The following TAS2R4 variants were observed in gnomAD, a reference collection of about 807,000 sequenced individuals.
TAS2R4 encodes taste receptor type 2 member 4.
TAS2R4 carries 18 observed loss-of-function variants against 14.3 expected under a neutral mutation model. That is an observed-to-expected ratio of 1.26 (90% CI 0.87 to 1.86). The LOEUF (loss-of-function observed/expected upper bound fraction) is 1.86. Among genes scored for constraint, TAS2R4 ranks in the 40% most tolerant of loss-of-function variants. TAS2R4 has a pLI of 0.00. For missense variants in TAS2R4, 306 were observed against 342.7 expected, an observed-to-expected ratio of 0.89 and a Z score of 0.85; for synonymous variants, 130 against 138.5, an observed-to-expected ratio of 0.94 and a Z score of 0.43.
chr7:141,778,361 T>G lies in TAS2R4; in HGVS notation c.-128T>G. 1 of 845,794 alleles carries G rather than the reference T, an allele frequency of 1.2e-6. No homozygotes were observed. Among genetic ancestry groups the G allele is most frequent in the Non-Finnish European group, 1.8e-6 (1 of 557,270 alleles). 52.4% of individuals were successfully genotyped at this position (845,794 alleles called of 1,614,324 possible). A position where few individuals can be genotyped will look rare whatever the true frequency, so the allele number is the denominator to read the frequency against. ...GGCCCTTGATCATGAATGGCTCATT[T>G]GCCATGCTGGGAAAAATTAAAAAGG... On this transcript the variant is annotated 5_prime_UTR_variant, in exon 1 of 1. Transcript: ENST00000247881.
Position 141,779,498 on chromosome 7 carries a change from GAC to G in TAS2R4, c.*112_*113del. 5.5e-6 allele frequency: 6 copies of G among 1,092,636 alleles called. No individual in the cohort carries two copies. The highest frequency in any genetic ancestry group is 6.3e-6 in the Non-Finnish European group (5 of 795,966). The allele number at this position is 1,092,636 out of a possible 1,614,324, so 67.7% of individuals were successfully genotyped here. ...AATTCAGTTTTGTGATTGCTGATCTGACATCATAGGCTTTTGAGTGCCTGAAT... is the reference window on the plus strand; with the variant it reads ...AATTCAGTTTTGTGATTGCTGATCTGATCATAGGCTTTTGAGTGCCTGAAT... On this transcript the variant is annotated 3_prime_UTR_variant, in exon 1 of 1. Transcript: ENST00000247881.
Position 141,778,983 on chromosome 7 carries a change from C to G in TAS2R4, c.495C>G (p.Asn165Lys). ...CTGAACTTGTGACTACGAGAAATAA[C>G]ACATCATTTAATATCAGTGAGGGCA... Reference protein sequence around the residue: ...PFPELVTTRNNTSFNISEGIL... With the variant: ...PFPELVTTRNKTSFNISEGIL... The change falls in exon 1 of 1, where the codon AAC (asparagine) becomes AAG (lysine). Residue 165 changes from asparagine to lysine, a missense_variant. Physicochemically the swap from Asn to Lys is moderately conservative, Grantham distance 94. Transcript: ENST00000247881. 1.9e-6 allele frequency: 3 copies of G among 1,614,228 alleles called. No individual in the cohort carries two copies. Among genetic ancestry groups the G allele is most frequent in the Non-Finnish European group, 2.5e-6 (3 of 1,180,050 alleles).
chr7:141,779,194 C>G lies in TAS2R4; in HGVS notation c.706C>G (p.Leu236Val), dbSNP rs763334888. The G allele has an allele frequency of 6.2e-7, 1 of 1,614,148 alleles. No individual in the cohort carries two copies. The highest frequency in any genetic ancestry group is 1.7e-5 in the Admixed American group (1 of 60,022). The change falls in exon 1 of 1, where the codon CTC becomes GTC. Residue 236 changes from leucine to valine, a missense_variant. Leu to Val is a conservative substitution (Grantham distance 32). Coordinates refer to ENST00000247881, the MANE Select transcript of TAS2R4 (RefSeq NM_016944.2). Reference sequence around the variant, plus strand: ...TGCTATGAAGCTGATGGTCTATTTCCTCATCCTCTACATTCCATATTCAGT... The same window carrying G: ...TGCTATGAAGCTGATGGTCTATTTCGTCATCCTCTACATTCCATATTCAGT... ...VGAMKLMVYF[L>V]ILYIPYSVAT...
rs188860963 is a variant in TAS2R4 at position 141,779,973 on chromosome 7, C to T, written c.*585C>T. The T allele has an allele frequency of 1.9e-3, 287 of 152,674 alleles. No homozygotes were observed. The Middle Eastern group carries it at 0.027, about 14-fold the overall frequency. 9.5% of individuals were successfully genotyped at this position (152,674 alleles called of 1,614,324 possible). A position where few individuals can be genotyped will look rare whatever the true frequency, so the allele number is the denominator to read the frequency against. ...TTGTAATCCCAGCTCTTTGGGAGGC[C>T]GAGGCAGGTGAATCGTGAGGTCAGG... On this transcript the variant is annotated 3_prime_UTR_variant, in exon 1 of 1. Transcript: ENST00000247881.
rs1800274920 is a variant in TAS2R4, at chr7:141,778,531, A to G, written c.43A>G (p.Ile15Val). Residue 15 changes from isoleucine (I) to valine (V), a missense_variant, in exon 1 of 1, where the codon ATT becomes GTT. Ile to Val is a conservative substitution (Grantham distance 29). Coordinates refer to ENST00000247881, the MANE Select transcript of TAS2R4 (RefSeq NM_016944.2). ...TTTCTCTGCTATTATTGCCTCAGTTATTTTAAATTTTGTAGGAATCATTAT... is the reference window on the plus strand; with the variant it reads ...TTTCTCTGCTATTATTGCCTCAGTTGTTTTAAATTTTGTAGGAATCATTAT... ...FYFSAIIASV[I>V]LNFVGIIMNL... The G allele has an allele frequency of 6.2e-7, 1 of 1,613,904 alleles. No individual in the cohort carries two copies. Among genetic ancestry groups the G allele is most frequent in the Non-Finnish European group, 8.5e-7 (1 of 1,179,960 alleles).
At position 141,778,709 on chromosome 7, in the gene TAS2R4, C is replaced by T. The variant is rs2234000; in HGVS notation, c.221C>T (p.Thr74Met). ...ACCATCTACTTCGTCTCTTCAAATA[C>T]GGAAAGGTCAGTCTACCTGTCTGCT... Reference protein sequence around the residue: ...VNTIYFVSSNTERSVYLSAFF... With the variant: ...VNTIYFVSSNMERSVYLSAFF... The change falls in exon 1 of 1, where the codon ACG becomes ATG. Residue 74 changes from threonine (T) to methionine (M), a missense_variant. Transcript: ENST00000247881. 2,914 of 1,614,196 alleles carry T rather than the reference C, an allele frequency of 1.8e-3. 50 individuals carry two copies. The East Asian group carries it at 0.048, about 27-fold the overall frequency.
Position 141,779,622 on chromosome 7 carries a change from ATT to A in TAS2R4, c.*237_*238del. The A allele has an allele frequency of 2.2e-6, 1 of 446,560 alleles. No individual in the cohort carries two copies. The highest frequency in any genetic ancestry group is 3.9e-6 in the Non-Finnish European group (1 of 253,360). The allele number at this position is 446,560 out of a possible 1,614,324, so 27.7% of individuals were successfully genotyped here. A position where few individuals can be genotyped will look rare whatever the true frequency, so the allele number is the denominator to read the frequency against. On this transcript the variant is annotated 3_prime_UTR_variant, in exon 1 of 1. Transcript: ENST00000247881. ...TTTTTTGAGGCATTATTTGTCATGTATTTTGCATGGCCATTGAATCCATGTAT... is the reference window on the plus strand; with the variant it reads ...TTTTTTGAGGCATTATTTGTCATGTATTGCATGGCCATTGAATCCATGTAT...
chr7:141,777,700 A>T lies in TAS2R4; in HGVS notation c.-789A>T, dbSNP rs566942817. ...GAAAATAGCCACATATGATCTAAAC[A>T]TAAACCCAGATTTATAAAGGAAACA... is the stretch of plus-strand genomic sequence containing the variant. On this transcript the variant is annotated 5_prime_UTR_variant, in exon 1 of 1. Transcript: ENST00000247881. Among the ~76,000 whole-genome samples the T allele has an allele frequency of 1.3e-5, 2 of 152,342 alleles. No individual in the cohort carries two copies. Among genetic ancestry groups the T allele is most frequent in the African/African-American group, 4.8e-5 (2 of 41,588 alleles).
chr7:141,778,909 G>A lies in TAS2R4; in HGVS notation c.421G>A (p.Ala141Thr). The change falls in exon 1 of 1, where the codon GCT becomes ACT. Residue 141 changes from alanine to threonine, a missense_variant. Coordinates refer to ENST00000247881, the MANE Select transcript of TAS2R4 (RefSeq NM_016944.2). ...GCTGCTGGCCTGTGTGCTGATTTCT[G>A]CTTTCACCACTTGCCTGTACATCAC... ...RLLLACVLISAFTTCLYITLS... is the reference protein window; with the variant it reads ...RLLLACVLISTFTTCLYITLS... 1 of 1,614,152 alleles carries A rather than the reference G, an allele frequency of 6.2e-7. No homozygotes were observed. Among genetic ancestry groups the A allele is most frequent in the Non-Finnish European group, 8.5e-7 (1 of 1,180,032 alleles).
chr7:141,777,845 A>G lies in TAS2R4; in HGVS notation c.-644A>G, dbSNP rs538945347. Among the ~76,000 whole-genome samples the G allele has an allele frequency of 6.6e-6, 1 of 152,374 alleles. No individual in the cohort carries two copies. Among genetic ancestry groups the G allele is most frequent in the East Asian group, 1.9e-4 (1 of 5,188 alleles). The stretch of plus-strand genomic sequence containing the variant: ...AAAGGGCATCAGAAAGAATGGGATT[A>G]ATTGAGAAAGGTTTTCTCAAGGAGG... On this transcript the variant is annotated 5_prime_UTR_variant, in exon 1 of 1. Transcript: ENST00000247881.
chr7:141,779,513 T>C lies in TAS2R4; in HGVS notation c.*125T>C. 1.1e-6 allele frequency: 1 copy of C among 935,478 alleles called. No homozygotes were observed. The highest frequency in any genetic ancestry group is 1.5e-6 in the Non-Finnish European group (1 of 668,686). 57.9% of individuals were successfully genotyped at this position (935,478 alleles called of 1,614,324 possible). A position where few individuals can be genotyped will look rare whatever the true frequency, so the allele number is the denominator to read the frequency against. Reference sequence around the variant, plus strand: ...TTGCTGATCTGACATCATAGGCTTTTGAGTGCCTGAATTTCAGTTCATTCT... The same window carrying C: ...TTGCTGATCTGACATCATAGGCTTTCGAGTGCCTGAATTTCAGTTCATTCT... On this transcript the variant is annotated 3_prime_UTR_variant, in exon 1 of 1. Coordinates refer to ENST00000247881, the MANE Select transcript of TAS2R4 (RefSeq NM_016944.2).
chr7:141,779,481 T>C lies in TAS2R4; in HGVS notation c.*93T>C. 3 of 1,256,962 alleles carry C rather than the reference T, an allele frequency of 2.4e-6. No homozygotes were observed. The highest frequency in any genetic ancestry group is 3.2e-6 in the Non-Finnish European group (3 of 930,352). The allele number at this position is 1,256,962 out of a possible 1,614,324, so 77.9% of individuals were successfully genotyped here. ...TTCCCAGTGATCTGGGGAATTCAGT[T>C]TTGTGATTGCTGATCTGACATCATA... On this transcript the variant is annotated 3_prime_UTR_variant, in exon 1 of 1. Coordinates refer to ENST00000247881, the MANE Select transcript of TAS2R4 (RefSeq NM_016944.2).
In TAS2R4 at chr7:141,777,196, A is replaced by G. The variant is rs1800254654; in HGVS notation, c.-1293A>G. On this transcript the variant is annotated 5_prime_UTR_variant, in exon 1 of 1. Coordinates refer to ENST00000247881, the MANE Select transcript of TAS2R4 (RefSeq NM_016944.2). ...GCTTACCTGATGTGGGCATGCCTCTATCAGTGCCTGTTAGTTTTGAATAAA... is the reference window on the plus strand; with the variant it reads ...GCTTACCTGATGTGGGCATGCCTCTGTCAGTGCCTGTTAGTTTTGAATAAA... 2.6e-5 allele frequency among the ~76,000 whole-genome samples: 4 copies of G among 152,244 alleles called. No homozygotes were observed. The South Asian group carries it at 8.3e-4, about 32-fold the overall frequency.
In TAS2R4 at chr7:141,778,935, G is replaced by T; in HGVS notation, c.447G>T (p.Thr149=). ...CTTTCACCACTTGCCTGTACATCACGCTTAGCCAGGCATCACCTTTTCCTG... is the reference window on the plus strand; with the variant it reads ...CTTTCACCACTTGCCTGTACATCACTCTTAGCCAGGCATCACCTTTTCCTG... ...ISAFTTCLYI[T]LSQASPFPEL... The change falls in exon 1 of 1, where the codon ACG becomes ACT. Residue 149 remains threonine, a synonymous_variant. Transcript: ENST00000247881. 6.2e-7 allele frequency: 1 copy of T among 1,614,148 alleles called. No homozygotes were observed. The highest frequency in any genetic ancestry group is 1.6e-4 in the Middle Eastern group (1 of 6,062).
At position 141,776,916 on chromosome 7, in the gene TAS2R4, C is replaced by T. The variant is rs1800249992; in HGVS notation, c.-1573C>T. The stretch of plus-strand genomic sequence containing the variant: ...TTATCACATCTTAATTATAGCACTT[C>T]CTCCTACAGAGAACCCAACAATTTG... On this transcript the variant is annotated 5_prime_UTR_variant, in exon 1 of 1. Transcript: ENST00000247881. 6.6e-6 allele frequency among the ~76,000 whole-genome samples: 1 copy of T among 152,092 alleles called. No homozygotes were observed. The highest frequency in any genetic ancestry group is 2.4e-5 in the African/African-American group (1 of 41,394).
At position 141,779,299 on chromosome 7, in the gene TAS2R4, C is replaced by CT; in HGVS notation, c.814dup (p.Tyr272LeufsTer15). The CT allele has an allele frequency of 6.2e-7, 1 of 1,614,168 alleles. No individual in the cohort carries two copies. Among genetic ancestry groups the CT allele is most frequent in the Non-Finnish European group, 8.5e-7 (1 of 1,180,026 alleles). On this transcript the variant is annotated frameshift_variant, in exon 1 of 1. Coordinates refer to ENST00000247881, the MANE Select transcript of TAS2R4 (RefSeq NM_016944.2). LOFTEE classifies it high-confidence loss of function. Reference sequence around the variant, plus strand: ...ATCCATTTGTCTGATTTTTGCCACCCTTTACTCTCCAGGACATTCTGTTCT... The same window carrying CT: ...ATCCATTTGTCTGATTTTTGCCACCCTTTTACTCTCCAGGACATTCTGTTCT...
chr7:141,781,351 A>T lies in TAS2R4; in HGVS notation c.*1963A>T, dbSNP rs1800317638. On this transcript the variant is annotated 3_prime_UTR_variant, in exon 1 of 1. Coordinates refer to ENST00000247881, the MANE Select transcript of TAS2R4 (RefSeq NM_016944.2). ...CCAGCTCTGGACTGCTCAAGCCTGA[A>T]CTCCAGGACTGTTGATGAGAAATCA... is the stretch of plus-strand genomic sequence containing the variant. Among the ~76,000 whole-genome samples the T allele has an allele frequency of 6.6e-6, 1 of 151,968 alleles. No homozygotes were observed. Among genetic ancestry groups the T allele is most frequent in the Admixed American group, 6.6e-5 (1 of 15,266 alleles).
rs1183921817 is a variant in TAS2R4 at position 141,778,143 on chromosome 7, C to G, written c.-346C>G. Among the ~76,000 whole-genome samples the G allele has an allele frequency of 6.6e-6, 1 of 152,136 alleles. No individual in the cohort carries two copies. The highest frequency in any genetic ancestry group is 1.5e-5 in the Non-Finnish European group (1 of 68,032). On this transcript the variant is annotated 5_prime_UTR_variant, in exon 1 of 1. Coordinates refer to ENST00000247881, the MANE Select transcript of TAS2R4 (RefSeq NM_016944.2). ...ACATTGACAGAAACATTGCTGGACT[C>G]AAGCTCTCTGGTTTGGATTCTAAGT...
chr7:141,777,899 A>G lies in TAS2R4; in HGVS notation c.-590A>G, dbSNP rs1442222212. Among the ~76,000 whole-genome samples the G allele has an allele frequency of 6.6e-6, 1 of 152,196 alleles. No homozygotes were observed. Among genetic ancestry groups the G allele is most frequent in the Non-Finnish European group, 1.5e-5 (1 of 68,034 alleles). ...TGGGTCTTTGAACTTGATCTATTAGATCACTGTAAATCGCTATAGGTGAAT... is the reference window on the plus strand; with the variant it reads ...TGGGTCTTTGAACTTGATCTATTAGGTCACTGTAAATCGCTATAGGTGAAT... On this transcript the variant is annotated 5_prime_UTR_variant, in exon 1 of 1. Coordinates refer to ENST00000247881, the MANE Select transcript of TAS2R4 (RefSeq NM_016944.2).
Sources: gnomAD v4.1 joint callset for allele counts (sites outside exome capture counted in the v4.1 genomes callset) on GRCh38, gnomAD v4.1.1 for gene constraint, MANE v1.5 for transcripts, NCBI Gene and HGNC (gene_info 2026-07-23, HGNC 2026-07-21) for gene names.